Variants in SNX25 observed in about 807,000 individuals in gnomAD.
SNX25 encodes the protein sorting nexin-25.
A neutral mutation model predicts 113.7 loss-of-function variants in SNX25; 62 were observed. The observed-to-expected ratio is 0.55, with a 90% CI of 0.44 to 0.67. The LOEUF (loss-of-function observed/expected upper bound fraction) is 0.67, where lower values mean the gene tolerates loss of function less well. Among genes scored for constraint, SNX25 ranks in the 30% least tolerant of loss-of-function variants. The pLI, the probability that SNX25 is intolerant of heterozygous loss-of-function variation, is 0.00. For missense variants in SNX25, 1,014 were observed against 1,161.0 expected, an observed-to-expected ratio of 0.87 and a Z score of 1.84; for synonymous variants, 421 against 436.2, an observed-to-expected ratio of 0.97 and a Z score of 0.43.
intron 17 of SNX25, 125 bp downstream of exon 17, chr4:185,362,230 C>T (rs1579941930): frequency 1.4e-6 from 2 of 1,389,234 alleles, no homozygotes; most frequent in East Asian, 5.2e-5. Flanking sequence ...GGATCATACT[C>T]TTTTAAGCCA....
intron 7 of SNX25, among the ~76,000 whole-genome samples, 165 bp from the exon 8 acceptor site, chr4:185,320,568 A>C (rs1205852360): frequency 6.6e-6 from 1 of 151,590 alleles, no homozygotes; most frequent in Non-Finnish European, 1.5e-5. Context: ...AAACCTGTAC[A>C]TTTACTTAAA....
chr4:185,304,911 C>T (rs1754244679), intron 6 of SNX25, among the ~76,000 whole-genome samples: 1 of 152,164 alleles, frequency 6.6e-6, no homozygotes, highest in Non-Finnish European at 1.5e-5. Flanking sequence ...TGTCGATTGC[C>T]TGCATTTCAC....
chr4:185,367,355 A>G (rs2095392210), downstream of SNX25: 1 of 920,346 alleles, frequency 1.1e-6, no homozygotes, highest in South Asian at 1.7e-5. Flanking sequence ...AAGTACAGTG[A>G]ATTTCAAGAA....
At position 185,357,748 on chromosome 4, in the gene SNX25, T is replaced by C. The variant is rs2126753682; in HGVS notation, c.2651+11T>C. The C allele has an allele frequency of 6.2e-7, 1 of 1,610,452 alleles. No individual in the cohort carries two copies. Among genetic ancestry groups the C allele is most frequent in the Middle Eastern group, 1.7e-4 (1 of 6,056 alleles). On this transcript the variant is annotated intron_variant, in intron 16 of 18. Coordinates refer to ENST00000652585, the MANE Select transcript of SNX25 (RefSeq NM_001378034.2). Reference sequence around the variant, plus strand: ...AAGAACCATCAACAAGTGAGTTGTATGAAATTAATATTTGGATCCATGCCC... The same window carrying C: ...AAGAACCATCAACAAGTGAGTTGTACGAAATTAATATTTGGATCCATGCCC...
intron 13 of SNX25, among the ~76,000 whole-genome samples, chr4:185,347,204 C>T (rs540461398): frequency 6.6e-6 from 1 of 152,330 alleles, no homozygotes; most frequent in South Asian, 2.1e-4. Flanking sequence ...CACTCTGAGG[C>T]TTTTACAAAG....
intron 5 of SNX25, among the ~76,000 whole-genome samples, chr4:185,267,403 C>T (rs369362712): frequency 3.4e-4 from 52 of 152,088 alleles, no homozygotes; most frequent in East Asian, 2.1e-3. Flanking sequence ...CGCTCCCCAC[C>T]GCCCCCACCC....
rs1315406040 is a variant in SNX25 at position 185,363,310 on chromosome 4, AG to A, written c.2935-74del. The A allele has an allele frequency of 7.2e-7, 1 of 1,393,816 alleles. No individual in the cohort carries two copies. Among genetic ancestry groups the A allele is most frequent in the African/African-American group, 1.4e-5 (1 of 69,496 alleles). The allele number at this position is 1,393,816 out of a possible 1,614,324, so 86.3% of individuals were successfully genotyped here. A position where few individuals can be genotyped will look rare whatever the true frequency, so the allele number is the denominator to read the frequency against. ...AGACCTAAAATTAGACTTTTCTCTT[AG>A]ATGCAGATATTTATTTTGAATAAAC... On this transcript the variant is annotated intron_variant, in intron 18 of 18. Transcript: ENST00000652585. The surrounding 1 kb of genome is among the most constrained non-coding windows in gnomAD (Gnocchi z 4.2).
intron 1 of SNX25, among the ~76,000 whole-genome samples, chr4:185,222,213 T>TGC (rs1302689148): frequency 6.7e-6 from 1 of 149,144 alleles, no homozygotes; most frequent in Non-Finnish European, 1.5e-5. Context: ...CCCTCCTTCA[T>TGC]GGCAGGTATT....
chr4:185,228,649 C>T (rs1194312629), intron 1 of SNX25, among the ~76,000 whole-genome samples: 3 of 152,108 alleles, frequency 2.0e-5, no homozygotes, highest in Non-Finnish European at 4.4e-5. Flanking sequence ...AGTCCTCCTG[C>T]CTCAGCCTCC....
chr4:185,344,616 C>T (rs1277940187), intron 12 of SNX25, among the ~76,000 whole-genome samples: 1 of 151,734 alleles, frequency 6.6e-6, no homozygotes, highest in Non-Finnish European at 1.5e-5. Flanking sequence ...CAGCCTGTCT[C>T]AAAGTTACAT....
chr4:185,355,883 A>G (rs888351531), intron 15 of SNX25, among the ~76,000 whole-genome samples: 2 of 152,198 alleles, frequency 1.3e-5, no homozygotes, highest in Admixed American at 6.5e-5. Flanking sequence ...TGTCTTTGCT[A>G]TTGGTACAGA....
At chr4:185,245,941 T>C (rs1744806821) in intron 1 of SNX25, among the ~76,000 whole-genome samples, 1 of 152,212 alleles carries the variant, frequency 6.6e-6, no homozygotes, top group East Asian at 1.9e-4. Flanking sequence ...CTTATACATG[T>C]ACTTTTTTGG....
At chr4:185,284,613 C>T (rs1751086569) in intron 5 of SNX25, among the ~76,000 whole-genome samples, 1 of 152,122 alleles carries the variant, frequency 6.6e-6, no homozygotes. Context: ...ATAGTAGAGC[C>T]AGTGCCAAGT....
At chr4:185,213,489 T>C (rs991431050) in intron 1 of SNX25, among the ~76,000 whole-genome samples, 3 of 152,214 alleles carry the variant, frequency 2.0e-5, no homozygotes, top group Non-Finnish European at 4.4e-5. Flanking sequence ...ACTTGGACTC[T>C]TGTTACAGGT....
intron 12 of SNX25, among the ~76,000 whole-genome samples, chr4:185,343,313 A>T (rs2095269636): frequency 6.6e-6 from 1 of 152,364 alleles, no homozygotes; most frequent in East Asian, 1.9e-4. Flanking sequence ...TAAAGCATTT[A>T]TAAGAATGTG....
At chr4:185,340,752 G>T (rs2095255673) in intron 11 of SNX25, among the ~76,000 whole-genome samples, 1 of 152,178 alleles carries the variant, frequency 6.6e-6, no homozygotes, top group South Asian at 2.1e-4. Flanking sequence ...AGAAAGGGAA[G>T]GAAGGAGTGG....
intron 12 of SNX25, among the ~76,000 whole-genome samples, chr4:185,345,714 C>G (rs938596921): frequency 6.6e-6 from 1 of 151,890 alleles, no homozygotes; most frequent in African/African-American, 2.4e-5. Context: ...TCGCTTGAGC[C>G]TGGGAGATCA....
At chr4:185,240,178 A>C (rs1467426085) in intron 1 of SNX25, among the ~76,000 whole-genome samples, 2 of 151,976 alleles carry the variant, frequency 1.3e-5, no homozygotes, top group African/African-American at 4.8e-5. Flanking sequence ...TTCTACACAG[A>C]CATGGCAACC....
intron 1 of SNX25, among the ~76,000 whole-genome samples, chr4:185,214,394 CAAAAA>C (rs60179052): frequency 3.3e-5 from 4 of 122,308 alleles, no homozygotes; most frequent in African/African-American, 6.4e-5. Context: ...CCATCTCTAC[CAAAAA>C]AAAAAAAAAA....
Sources: allele counts gnomAD v4.1 joint callset (sites outside exome capture counted in the v4.1 genomes callset), GRCh38; gene constraint gnomAD v4.1.1; non-coding constraint Gnocchi (gnomAD v3.1); transcripts MANE v1.5; gene names NCBI Gene and HGNC (gene_info 2026-07-23, HGNC 2026-07-21).